LRBA: variants seen among roughly 807,000 people sequenced by gnomAD.
LRBA encodes the protein LPS responsive beige-like anchor protein.
A neutral mutation model predicts 330.0 loss-of-function variants in LRBA; 176 were observed. The ratio of observed to expected loss-of-function variants is 0.53; its 90% CI spans 0.47 to 0.60. The LOEUF (loss-of-function observed/expected upper bound fraction) is 0.60, where lower values mean the gene tolerates loss of function less well. LRBA is among the 20% of genes least tolerant of loss of function. The pLI is 0.00. For synonymous variants in LRBA, 1,230 were observed against 1,193.0 expected (o/e 1.03, Z -0.64); for missense variants, 3,259 against 3,444.8 (o/e 0.95, Z 1.35).
At chr4:150,329,483 T>G (rs1367780026) in intron 48 of LRBA, among the ~76,000 whole-genome samples, 2 of 152,230 alleles carry the variant, frequency 1.3e-5, no homozygotes, top group Non-Finnish European at 2.9e-5. Flanking sequence ...ATGCTTAGAC[T>G]GGCTCTGTAG....
In LRBA at chr4:150,648,158, C is replaced by CAAAAAAAA; in HGVS notation, c.5921+35385_5921+35392dup. 9.8e-3 allele frequency among the ~76,000 whole-genome samples: 178 copies of CAAAAAAAA among 18,084 alleles called. 27 individuals carry two copies. The highest frequency in any genetic ancestry group is 0.019 in the Non-Finnish European group (110 of 5,686). The allele number at this position is 18,084 out of a possible 152,430, so 11.9% of individuals were successfully genotyped here. A position where few individuals can be genotyped will look rare whatever the true frequency, so the allele number is the denominator to read the frequency against. On this transcript the variant is annotated intron_variant, in intron 37 of 56. Coordinates refer to ENST00000651943, the MANE Select transcript of LRBA (RefSeq NM_001364905.1). ...TCAGAAGAGAAAGGAACACAAGTAG[C>CAAAAAAAA]AAAAAAAAAAAAAAAAAAACTAGAA...
intron 2 of LRBA, among the ~76,000 whole-genome samples, chr4:150,938,443 A>G (rs555887673): frequency 6.6e-6 from 1 of 152,284 alleles, no homozygotes; most frequent in Non-Finnish European, 1.5e-5. Flanking sequence ...CTCCCAGGTT[A>G]TATTTCCTTC....
chr4:150,624,970 G>T (rs934397612), intron 37 of LRBA, among the ~76,000 whole-genome samples: 32 of 152,204 alleles, frequency 2.1e-4, no homozygotes, highest in Non-Finnish European at 4.1e-4. Flanking sequence ...ATATTGGATT[G>T]TTTGGCTTTT....
intron 44 of LRBA, among the ~76,000 whole-genome samples, chr4:150,463,968 T>C (rs1233172228): frequency 6.6e-6 from 1 of 150,610 alleles, no homozygotes; most frequent in Non-Finnish European, 1.5e-5. Context: ...ATGAGAACTT[T>C]TGGTCAGGTA....
chr4:150,518,195 T>G (rs1373237210), intron 40 of LRBA, among the ~76,000 whole-genome samples: 1 of 152,196 alleles, frequency 6.6e-6, no homozygotes, highest in Non-Finnish European at 1.5e-5. Context: ...TAAGGGTTAC[T>G]TGAACACAAG....
chr4:150,352,263 C>T (rs986239546), intron 47 of LRBA, among the ~76,000 whole-genome samples: 3 of 152,100 alleles, frequency 2.0e-5, no homozygotes, highest in Admixed American at 6.5e-5. Flanking sequence ...TGACAAAAGA[C>T]GTTCCTATTC....
chr4:150,423,317 G>C (rs528018572), intron 46 of LRBA: 2 of 751,040 alleles, frequency 2.7e-6, no homozygotes, highest in East Asian at 4.9e-5. Flanking sequence ...TCCTCTCCCT[G>C]GGGGACGAGC....
chr4:150,681,156 T>TA (rs1783023393), intron 37 of LRBA, among the ~76,000 whole-genome samples: 1 of 152,242 alleles, frequency 6.6e-6, no homozygotes, highest in African/African-American at 2.4e-5. Context: ...AGGCTTAGCA[T>TA]AGTTAAATGC....
At chr4:150,679,636 C>T (rs987565018) in intron 37 of LRBA, 3 of 152,150 alleles carry the variant, frequency 2.0e-5, no homozygotes. Flanking sequence ...CAGGAAGAGA[C>T]GCCTCTAGCT....
At chr4:150,621,092 G>GA (rs60575230) in intron 37 of LRBA, among the ~76,000 whole-genome samples, 104,792 of 147,726 alleles carry the variant, frequency 0.71, 43,377 homozygotes, top group Non-Finnish European at 0.91. Context: ...CCCTTCTTCG[G>GA]AAAAAAAAAA....
chr4:150,287,990 A>AT (rs1560966528), intron 53 of LRBA, among the ~76,000 whole-genome samples: 3 of 146,148 alleles, frequency 2.1e-5, no homozygotes, highest in Non-Finnish European at 3.1e-5. Flanking sequence ...AGGATCCACA[A>AT]ATTTTTTTTT....
chr4:150,698,792 T>C (rs1012647091), intron 36 of LRBA, among the ~76,000 whole-genome samples: 1 of 152,192 alleles, frequency 6.6e-6, no homozygotes, highest in African/African-American at 2.4e-5. Flanking sequence ...GAATATGATG[T>C]TCAAAAGATA....
chr4:150,970,268 G>A (rs1739381547), intron 2 of LRBA, among the ~76,000 whole-genome samples: 1 of 151,990 alleles, frequency 6.6e-6, no homozygotes, highest in Non-Finnish European at 1.5e-5. Flanking sequence ...GGGAGGCTGA[G>A]GCAGACAGAT....
chr4:150,826,704 G>T (rs1289827010), intron 30 of LRBA, among the ~76,000 whole-genome samples: 1 of 151,834 alleles, frequency 6.6e-6, no homozygotes, highest in East Asian at 1.9e-4. Context: ...TGTTGAAGTG[G>T]TCTAACTGCC....
intron 52 of LRBA, among the ~76,000 whole-genome samples, chr4:150,307,363 C>T (rs1308116293): frequency 6.6e-6 from 1 of 151,916 alleles, no homozygotes; most frequent in Non-Finnish European, 1.5e-5. Context: ...CTATGGTTTG[C>T]ACTGTAAACC....
chr4:150,380,093 C>T (rs1223734720), intron 47 of LRBA, among the ~76,000 whole-genome samples: 3 of 150,202 alleles, frequency 2.0e-5, no homozygotes, highest in African/African-American at 7.3e-5. Flanking sequence ...GCAGGAGAAT[C>T]ACTTGAACCC....
intron 35 of LRBA, among the ~76,000 whole-genome samples, chr4:150,754,273 A>AAGTACTGACCATGTCAG (rs1189145583): frequency 1.4e-5 from 2 of 145,026 alleles, no homozygotes; most frequent in African/African-American, 5.7e-5. Flanking sequence ...TAAGAAACAT[A>AAGTACTGACCATGTCAG]TGCTTATCCT....
chr4:150,919,362 A>C (rs1732994993), intron 5 of LRBA, among the ~76,000 whole-genome samples: 1 of 152,244 alleles, frequency 6.6e-6, no homozygotes, highest in Non-Finnish European at 1.5e-5. Flanking sequence ...TATGTGGATT[A>C]TATCTCAATA....
intron 37 of LRBA, among the ~76,000 whole-genome samples, chr4:150,644,368 C>T (rs898308245): frequency 3.3e-5 from 5 of 151,686 alleles, no homozygotes; most frequent in African/African-American, 1.2e-4. Context: ...GAAAATAAGG[C>T]TGCAATTAAA....
Sources: gnomAD v4.1 joint callset for allele counts (sites outside exome capture counted in the v4.1 genomes callset) on GRCh38, gnomAD v4.1.1 for gene constraint, MANE v1.5 for transcripts, NCBI Gene and HGNC (gene_info 2026-07-23, HGNC 2026-07-21) for gene names.